The following PDP1 variants were observed in gnomAD, a reference collection of about 807,000 sequenced individuals.
PDP1 encodes the protein pyruvate dehyrogenase phosphatase catalytic subunit 1.
A neutral mutation model predicts 37.1 loss-of-function variants in PDP1; 14 were observed. The observed-to-expected ratio is 0.38, with a 90% CI of 0.25 to 0.59. The LOEUF (loss-of-function observed/expected upper bound fraction) is 0.59. PDP1 is among the 20% of genes least tolerant of loss of function. The pLI is 0.67. For missense variants in PDP1, 544 were observed against 655.3 expected (o/e 0.83, Z 1.85); for synonymous variants, 251 against 243.3 (o/e 1.03, Z -0.29).
In PDP1 at chr8:93,924,759, G is replaced by C. The variant is rs1810388066; in HGVS notation, c.*1086G>C. ...ATATTTGGGTTTAAAATGACTAAAT[G>C]CTTTAAACATATTGTAGCTTAAGAT... On this transcript the variant is annotated 3_prime_UTR_variant, in exon 2 of 2. Coordinates refer to ENST00000297598, the MANE Select transcript of PDP1 (RefSeq NM_018444.4). 6.0e-6 allele frequency: 1 copy of C among 167,034 alleles called. No homozygotes were observed. The highest frequency in any genetic ancestry group is 2.1e-4 in the South Asian group (1 of 4,826). 10.3% of individuals were successfully genotyped at this position (167,034 alleles called of 1,614,324 possible). A position where few individuals can be genotyped will look rare whatever the true frequency, so the allele number is the denominator to read the frequency against.
chr8:93,921,314 A>G (rs1810261779), intron 1 of PDP1: 22 of 985,228 alleles, frequency 2.2e-5, no homozygotes, highest in Non-Finnish European at 2.5e-5. Flanking sequence ...TAGCCTGGCA[A>G]ATTGCCACAG....
At chr8:93,917,830 G>T (rs754836235) in intron 1 of PDP1, 13 of 1,609,614 alleles carry the variant, frequency 8.1e-6, no homozygotes, top group Non-Finnish European at 8.5e-6. Context: ...TCTCTGCCTT[G>T]CTTTCAATGG....
chr8:93,921,804 C>T, intron 1 of PDP1: 1 of 497,722 alleles, frequency 2.0e-6, no homozygotes, highest in East Asian at 3.1e-5. Flanking sequence ...GCCAGGAGTT[C>T]AGTCGTGGTT....
chr8:93,920,961 G>A, intron 1 of PDP1: 1 of 983,910 alleles, frequency 1.0e-6, no homozygotes, highest in Non-Finnish European at 1.2e-6. Flanking sequence ...ACTTCTATGG[G>A]TTTTCCTTAT....
At chr8:93,920,013 AT>A (rs1416727368) in intron 1 of PDP1, 1 of 152,166 alleles carries the variant, frequency 6.6e-6, no homozygotes. Context: ...TCTGTTTTTC[AT>A]TAGTGCATTT....
At position 93,925,967 on chromosome 8, in the gene PDP1, G is replaced by T. The variant is rs1810421271; in HGVS notation, c.*2294G>T. ...AGAGTACCATATTGCTAAGAAAACTGTCTTATAAAAGATGTATATGTGTGA... is the reference window on the plus strand; with the variant it reads ...AGAGTACCATATTGCTAAGAAAACTTTCTTATAAAAGATGTATATGTGTGA... On this transcript the variant is annotated 3_prime_UTR_variant, in exon 2 of 2. Transcript: ENST00000297598. 6.0e-6 allele frequency: 1 copy of T among 166,814 alleles called. No homozygotes were observed. Among genetic ancestry groups the T allele is most frequent in the Non-Finnish European group, 1.5e-5 (1 of 68,100 alleles). 10.3% of individuals were successfully genotyped at this position (166,814 alleles called of 1,614,324 possible). A position where few individuals can be genotyped will look rare whatever the true frequency, so the allele number is the denominator to read the frequency against.
At position 93,923,947 on chromosome 8, in the gene PDP1, C is replaced by A; in HGVS notation, c.*274C>A. On this transcript the variant is annotated 3_prime_UTR_variant, in exon 2 of 2. Transcript: ENST00000297598. The surrounding 1 kb of genome is among the most constrained non-coding windows in gnomAD (Gnocchi z 4.3). ...TTGAAACATTAGCTTCTTTTACCAA[C>A]CTGAGAAAATTAGGATGACCTGGCA... 2.4e-6 allele frequency: 1 copy of A among 419,468 alleles called. No individual in the cohort carries two copies. The highest frequency in any genetic ancestry group is 2.3e-5 in the South Asian group (1 of 44,280). 26.0% of individuals were successfully genotyped at this position (419,468 alleles called of 1,614,324 possible). A position where few individuals can be genotyped will look rare whatever the true frequency, so the allele number is the denominator to read the frequency against.
intron 1 of PDP1, chr8:93,917,924 T>C (rs752519178): frequency 5.0e-5 from 81 of 1,613,998 alleles, no homozygotes; most frequent in Admixed American, 1.5e-4. Context: ...AATGTGTGTG[T>C]GTCCCGGGCC....
chr8:93,921,453 A>C (rs1380088883), intron 1 of PDP1: 1 of 384,260 alleles, frequency 2.6e-6, no homozygotes, highest in East Asian at 1.6e-4. Flanking sequence ...CTGTAGTCAT[A>C]TATGTATATG....
intron 1 of PDP1, chr8:93,921,335 A>G: frequency 1.0e-6 from 1 of 985,356 alleles, no homozygotes; most frequent in Non-Finnish European, 1.2e-6. Flanking sequence ...TGGACTAGAG[A>G]AGCAAGTTTT....
chr8:93,917,563 T>C (rs541185281), intron 1 of PDP1, among the ~76,000 whole-genome samples: 107 of 152,136 alleles, frequency 7.0e-4, no homozygotes, highest in African/African-American at 2.4e-3. Flanking sequence ...CTGCAGTCCA[T>C]GGGCTTCGCG....
intron 1 of PDP1, chr8:93,921,432 A>G (rs1199280763): frequency 2.0e-6 from 1 of 503,736 alleles, no homozygotes; most frequent in Non-Finnish European, 2.6e-6. Context: ...TATATGTTAC[A>G]ATGCATATTA....
Position 93,922,660 on chromosome 8 carries a change from A to G in PDP1, c.601A>G (p.Ser201Gly), listed in dbSNP as rs1810317336. The change falls in exon 2 of 2, where the codon AGT becomes GGT. Residue 201 changes from serine (S) to glycine (G), a missense_variant. Physicochemically the swap from Ser to Gly is moderately conservative, Grantham distance 56 (BLOSUM62 0). Around this residue, in one of 5 missense-constraint regions of PDP1, gnomAD observed 342 missense variants for 414.0 expected, o/e 0.83. Transcript: ENST00000297598. This position sits in a 1 kb window ranked among gnomAD's most constrained non-coding sequence, Gnocchi z 4.0. ...QWHKHPNDYF[S>G]KEASKLYFNS... ...GCACAAGCACCCCAATGATTACTTT[A>G]GTAAGGAGGCATCCAAATTGTACTT... 6.2e-7 allele frequency: 1 copy of G among 1,614,176 alleles called. No individual in the cohort carries two copies. The highest frequency in any genetic ancestry group is 8.5e-7 in the Non-Finnish European group (1 of 1,180,028).
Position 93,922,748 on chromosome 8 carries a change from T to A in PDP1, c.689T>A (p.Ile230Asn). 6.2e-7 allele frequency: 1 copy of A among 1,614,130 alleles called. No homozygotes were observed. Among genetic ancestry groups the A allele is most frequent in the Non-Finnish European group, 8.5e-7 (1 of 1,179,978 alleles). ...CTCAACACTGGTGAGTCGACTGATA[T>A]TGATGTTAAGGAGGCTCTAATTAAT... ...IDLNTGESTD[I>N]DVKEALINAF... Residue 230 changes from isoleucine to asparagine, a missense_variant, in exon 2 of 2, where the codon ATT (isoleucine) becomes AAT (asparagine). Physicochemically the swap from Ile to Asn is moderately radical, Grantham distance 149 (BLOSUM62 -3). Around this residue, in one of 5 missense-constraint regions of PDP1, gnomAD observed 342 missense variants for 414.0 expected, o/e 0.83. Coordinates refer to ENST00000297598, the MANE Select transcript of PDP1 (RefSeq NM_018444.4). This position sits in a 1 kb window ranked among gnomAD's most constrained non-coding sequence, Gnocchi z 4.0.
intron 1 of PDP1, chr8:93,920,618 G>C: frequency 1.0e-6 from 1 of 953,696 alleles, no homozygotes; most frequent in Non-Finnish European, 1.2e-6. Flanking sequence ...CGCACATAGT[G>C]AGTGATAGGA....
rs775552151 is a variant in PDP1 at position 93,916,972 on chromosome 8, C to G, written c.-152C>G. 6.5e-6 allele frequency: 3 copies of G among 462,376 alleles called. No homozygotes were observed. Among genetic ancestry groups the G allele is most frequent in the Non-Finnish European group, 1.3e-5 (3 of 234,730 alleles). The allele number at this position is 462,376 out of a possible 1,614,324, so 28.6% of individuals were successfully genotyped here. A position where few individuals can be genotyped will look rare whatever the true frequency, so the allele number is the denominator to read the frequency against. ...AGAGTGGGCAGGCCGGGGGTGAGGG[C>G]TCGCGCTCCGGGAGCTGCACGGGGC... is the stretch of plus-strand genomic sequence containing the variant. On this transcript the variant is annotated 5_prime_UTR_variant, in exon 1 of 2. Transcript: ENST00000297598.
chr8:93,923,498 C>T lies in PDP1; in HGVS notation c.1439C>T (p.Thr480Ile). The change falls in exon 2 of 2, where the codon ACC becomes ATC. Residue 480 changes from threonine (T) to isoleucine (I), a missense_variant. Thr to Ile is a moderately conservative substitution (Grantham distance 89). Transcript: ENST00000297598. This position sits in a 1 kb window ranked among gnomAD's most constrained non-coding sequence, Gnocchi z 4.3. ...GTATTTGAGGATCAGAACGCAGCAA[C>T]CCATCTCATTCGCCACGCTGTGGGC... ...SSVFEDQNAA[T>I]HLIRHAVGNN... is the part of the protein sequence containing the mutation. 2 of 1,605,910 alleles carry T rather than the reference C, an allele frequency of 1.2e-6. No homozygotes were observed. The highest frequency in any genetic ancestry group is 1.7e-6 in the Non-Finnish European group (2 of 1,173,220).
chr8:93,918,525 T>C (rs577485390), intron 1 of PDP1, among the ~76,000 whole-genome samples: 20 of 152,320 alleles, frequency 1.3e-4, no homozygotes, highest in African/African-American at 4.3e-4. Context: ...TGCATCTTTC[T>C]TTATTAGTCA....
At position 93,922,846 on chromosome 8, in the gene PDP1, C is replaced by G; in HGVS notation, c.787C>G (p.Leu263Val). Reference sequence around the variant, plus strand: ...TGATCCTAATTCTTTTCTCAACTACCTGGTGCTTCGAGTGGCATTTTCTGG... The same window carrying G: ...TGATCCTAATTCTTTTCTCAACTACGTGGTGCTTCGAGTGGCATTTTCTGG... ...VGDPNSFLNY[L>V]VLRVAFSGAT... Residue 263 changes from leucine to valine, a missense_variant, in exon 2 of 2, where the codon CTG (leucine) becomes GTG (valine). Around this residue, in one of 5 missense-constraint regions of PDP1, gnomAD observed 342 missense variants for 414.0 expected, o/e 0.83. Coordinates refer to ENST00000297598, the MANE Select transcript of PDP1 (RefSeq NM_018444.4). This position sits in a 1 kb window ranked among gnomAD's most constrained non-coding sequence, Gnocchi z 4.0. 1 of 1,614,172 alleles carries G rather than the reference C, an allele frequency of 6.2e-7. No individual in the cohort carries two copies. Among genetic ancestry groups the G allele is most frequent in the South Asian group, 1.1e-5 (1 of 91,084 alleles).
Sources: allele counts gnomAD v4.1 joint callset (sites outside exome capture counted in the v4.1 genomes callset), GRCh38; gene constraint gnomAD v4.1.1; regional missense constraint gnomAD v4.1.1; non-coding constraint Gnocchi (gnomAD v3.1); transcripts MANE v1.5; gene names NCBI Gene and HGNC (gene_info 2026-07-23, HGNC 2026-07-21).